PACRG: variants seen among roughly 807,000 people sequenced by gnomAD.
PACRG encodes the protein parkin coregulated gene protein.
In PACRG, 29 loss-of-function variants were observed where a neutral mutation model predicts 29.7. The observed-to-expected ratio is 0.98, with a 90% CI of 0.73 to 1.33. The LOEUF (loss-of-function observed/expected upper bound fraction) is 1.33, where lower values mean the gene tolerates loss of function less well. Ranked by LOEUF, PACRG falls within the 40% of genes most tolerant of loss-of-function variation. PACRG has a pLI of 0.00. For missense variants in PACRG, 279 were observed against 316.2 expected, an observed-to-expected ratio of 0.88 and a Z score of 0.89; for synonymous variants, 116 against 118.7, an observed-to-expected ratio of 0.98 and a Z score of 0.15.
At chr6:162,959,782 A>C (rs959221055) in intron 2 of PACRG, among the ~76,000 whole-genome samples, 1 of 152,164 alleles carries the variant, frequency 6.6e-6, no homozygotes, top group Non-Finnish European at 1.5e-5. Context: ...AGATGGTGGA[A>C]TGTGGTTGGA....
chr6:163,048,076 T>C (rs946558795), intron 2 of PACRG, among the ~76,000 whole-genome samples: 1 of 152,212 alleles, frequency 6.6e-6, no homozygotes, highest in Non-Finnish European at 1.5e-5. Flanking sequence ...GAGCTTTTAA[T>C]TGAGCATGTC....
At position 162,853,968 on chromosome 6, in the gene PACRG, CATT is replaced by C. The variant is rs1338355806; in HGVS notation, c.291+39689_291+39691del. ...AAATATTAACTATTATTATTAATAT[CATT>C]AGTATCATTATACATTTAAAATCTC... On this transcript the variant is annotated intron_variant, in intron 2 of 4. Transcript: ENST00000366888. The surrounding 1 kb of genome is among the most constrained non-coding windows in gnomAD (Gnocchi z 4.7). Among the ~76,000 whole-genome samples, 4 of 151,882 alleles carry C rather than the reference CATT, an allele frequency of 2.6e-5. No individual in the cohort carries two copies. Among genetic ancestry groups the C allele is most frequent in the South Asian group, 2.1e-4 (1 of 4,832 alleles).
intron 4 of PACRG, among the ~76,000 whole-genome samples, chr6:163,202,533 T>C (rs2128150229): frequency 6.6e-6 from 1 of 152,258 alleles, no homozygotes; most frequent in East Asian, 1.9e-4. Context: ...CTGCCAGCAG[T>C]AATAGAACAA....
At chr6:163,066,105 A>G (rs998137563) in intron 3 of PACRG, among the ~76,000 whole-genome samples, 8 of 152,254 alleles carry the variant, frequency 5.3e-5, no homozygotes, top group African/African-American at 1.9e-4. Context: ...AAAGAAAATC[A>G]GTGAAAACAG....
chr6:162,773,235 A>C (rs1053731843), intron 1 of PACRG, among the ~76,000 whole-genome samples: 3 of 150,724 alleles, frequency 2.0e-5, no homozygotes, highest in African/African-American at 7.3e-5. Context: ...AGAGGGGAGA[A>C]TTTCTATCTT....
At chr6:163,100,700 A>G (rs1815031629) in intron 4 of PACRG, 2 of 785,144 alleles carry the variant, frequency 2.5e-6, no homozygotes, top group East Asian at 2.5e-4. Flanking sequence ...TGTTCCTCTT[A>G]GTATGAAATC....
At chr6:163,054,870 A>G (rs779577628) in intron 2 of PACRG, among the ~76,000 whole-genome samples, 1 of 152,096 alleles carries the variant, frequency 6.6e-6, no homozygotes, top group Non-Finnish European at 1.5e-5. Context: ...GAGAGGGTGG[A>G]CCTTCTCCAA....
chr6:163,016,136 C>A (rs1806083712), intron 2 of PACRG: 1 of 152,164 alleles, frequency 6.6e-6, no homozygotes, highest in Admixed American at 6.5e-5. Flanking sequence ...CTCAAAGCCA[C>A]CGGCAGGCTG....
chr6:163,163,515 G>A lies in PACRG; in HGVS notation c.613+74107G>A, dbSNP rs138554255. On this transcript the variant is annotated intron_variant, in intron 4 of 4. Transcript: ENST00000366888. ...TCAAACTCCGGACCTCAGGTGACGC[G>A]CCTGCCTCGGCCTCACAAAGTGCTG... Among the ~76,000 whole-genome samples the A allele has an allele frequency of 7.7e-3, 1,164 of 150,978 alleles. 12 individuals are homozygous for A. The highest frequency in any genetic ancestry group is 0.023 in the African/African-American group (961 of 41,504).
chr6:162,788,478 T>G (rs903334589), intron 1 of PACRG, among the ~76,000 whole-genome samples: 1 of 152,242 alleles, frequency 6.6e-6, no homozygotes, highest in Admixed American at 6.5e-5. Flanking sequence ...AACATCTGTG[T>G]GCAGATTTTC....
intron 4 of PACRG, among the ~76,000 whole-genome samples, chr6:163,268,697 T>G (rs143228217): frequency 6.6e-6 from 1 of 152,226 alleles, no homozygotes; most frequent in South Asian, 2.1e-4. Flanking sequence ...TTCCAGGTCA[T>G]GGTTTTGCCT....
intron 1 of PACRG, among the ~76,000 whole-genome samples, chr6:162,755,014 T>C (rs1781795597): frequency 6.6e-6 from 1 of 152,210 alleles, no homozygotes; most frequent in Non-Finnish European, 1.5e-5. Flanking sequence ...CATGATTCAG[T>C]CTTGGAAAGT....
At chr6:163,307,255 T>C (rs1260303961) in intron 4 of PACRG, among the ~76,000 whole-genome samples, 3 of 152,214 alleles carry the variant, frequency 2.0e-5, no homozygotes, top group Non-Finnish European at 4.4e-5. Flanking sequence ...TTCCTCAAGC[T>C]TTTGGAAATA....
At chr6:162,774,216 C>T (rs957384789) in intron 1 of PACRG, among the ~76,000 whole-genome samples, 4 of 152,176 alleles carry the variant, frequency 2.6e-5, no homozygotes, top group Non-Finnish European at 5.9e-5. Flanking sequence ...CTCTCCGACT[C>T]TGAAGTGATC....
At chr6:163,303,219 G>C (rs930463479) in intron 4 of PACRG, among the ~76,000 whole-genome samples, 1 of 152,174 alleles carries the variant, frequency 6.6e-6, no homozygotes, top group Non-Finnish European at 1.5e-5. Context: ...AGCTACTCGG[G>C]AGGCTGAGGC....
rs115014450 is a variant in PACRG, at chr6:162,866,550, T to G, written c.291+52269T>G. Among the ~76,000 whole-genome samples, 202 of 152,312 alleles carry G rather than the reference T, an allele frequency of 1.3e-3. 1 individual carries two copies. Among genetic ancestry groups the G allele is most frequent in the African/African-American group, 4.7e-3 (194 of 41,558 alleles). On this transcript the variant is annotated intron_variant, in intron 2 of 4. Coordinates refer to ENST00000366888, the MANE Select transcript of PACRG (RefSeq NM_001080379.2). ...TCTTAGAGTTTTCTGCACTTCAGAT[T>G]TCGCCACTTCAGATATTTCATTATT... is the stretch of plus-strand genomic sequence containing the variant.
At chr6:162,906,045 G>C (rs147214730) in intron 2 of PACRG, among the ~76,000 whole-genome samples, 2,354 of 151,926 alleles carry the variant, frequency 0.015, 25 homozygotes, top group Non-Finnish European at 0.019. Context: ...AGAAAAAAAG[G>C]GGGGGAAAGC....
intron 1 of PACRG, among the ~76,000 whole-genome samples, chr6:162,799,928 A>G (rs1785716690): frequency 6.6e-6 from 1 of 152,204 alleles, no homozygotes; most frequent in Non-Finnish European, 1.5e-5. Context: ...CATTAAAGGT[A>G]TTAGGAGAGT....
At chr6:163,176,570 A>G (rs1779370827) in intron 4 of PACRG, among the ~76,000 whole-genome samples, 1 of 151,662 alleles carries the variant, frequency 6.6e-6, no homozygotes, top group South Asian at 2.1e-4. Flanking sequence ...GGAAAGACGA[A>G]GGCAAAAAAG....
Sources: allele counts gnomAD v4.1 joint callset (sites outside exome capture counted in the v4.1 genomes callset), GRCh38; gene constraint gnomAD v4.1.1; non-coding constraint Gnocchi (gnomAD v3.1); transcripts MANE v1.5; gene names NCBI Gene and HGNC (gene_info 2026-07-23, HGNC 2026-07-21).